IQCJ: variants seen among roughly 807,000 people sequenced by gnomAD.
The protein encoded by IQCJ is IQ domain-containing protein J.
IQCJ carries 9 observed loss-of-function variants against 11.0 expected under a neutral mutation model. The ratio of observed to expected loss-of-function variants is 0.82; its 90% confidence interval spans 0.49 to 1.43. IQCJ has a LOEUF of 1.43. IQCJ is among the 40% of genes most tolerant of loss of function. The pLI, the probability that IQCJ is intolerant of heterozygous loss-of-function variation, is 0.00. For missense variants in IQCJ, 146 were observed against 133.2 expected (o/e 1.10, Z -0.47); for synonymous variants, 55 against 51.3 (o/e 1.07, Z -0.31).
intron 1 of IQCJ, chr3:159,069,968 C>A (rs1715453529): frequency 3.9e-6 from 1 of 254,516 alleles, no homozygotes. Context: ...ATTTCTACCC[C>A]ATGTTACCTG....
chr3:159,128,018 T>A (rs1025348193), intron 1 of IQCJ, among the ~76,000 whole-genome samples: 16 of 152,354 alleles, frequency 1.1e-4, no homozygotes, highest in African/African-American at 3.8e-4. Flanking sequence ...GTCACTTTTA[T>A]TATAGTGTGT....
intron 3 of IQCJ, among the ~76,000 whole-genome samples, chr3:159,261,043 A>G (rs962681755): frequency 3.9e-5 from 6 of 152,202 alleles, no homozygotes; most frequent in Non-Finnish European, 8.8e-5. Context: ...GGGAAAACAT[A>G]CAGATTCAAT....
chr3:159,132,232 G>C (rs1720032633), intron 1 of IQCJ, among the ~76,000 whole-genome samples: 1 of 152,028 alleles, frequency 6.6e-6, no homozygotes, highest in African/African-American at 2.4e-5. Flanking sequence ...AGTTACCTTG[G>C]GGTTGTCTCC....
At chr3:159,179,580 TTTC>T (rs1470920808) in intron 1 of IQCJ, among the ~76,000 whole-genome samples, 29 of 151,812 alleles carry the variant, frequency 1.9e-4, no homozygotes, top group Non-Finnish European at 1.5e-5. Context: ...TCTCATATTT[TTTC>T]TTCTTGGATT....
At chr3:159,214,431 C>T (rs1197018498) in intron 1 of IQCJ, among the ~76,000 whole-genome samples, 3 of 152,212 alleles carry the variant, frequency 2.0e-5, no homozygotes, top group Non-Finnish European at 4.4e-5. Flanking sequence ...ACTCCAAAAA[C>T]CTTCCTATTC....
chr3:159,091,585 A>C (rs925019953), intron 1 of IQCJ, among the ~76,000 whole-genome samples: 25 of 151,426 alleles, frequency 1.7e-4, no homozygotes, highest in African/African-American at 5.6e-4. Flanking sequence ...AAACATTCAG[A>C]CCATAGCAGT....
At chr3:159,129,060 A>G (rs2108156860) in intron 1 of IQCJ, among the ~76,000 whole-genome samples, 1 of 152,292 alleles carries the variant, frequency 6.6e-6, no homozygotes, top group Non-Finnish European at 1.5e-5. Context: ...ATAACAACAA[A>G]TTTTTCAACT....
chr3:159,264,516 C>T (rs1728393186), downstream of IQCJ, among the ~76,000 whole-genome samples: 1 of 152,168 alleles, frequency 6.6e-6, no homozygotes, highest in Non-Finnish European at 1.5e-5. Context: ...GTATATCAGA[C>T]TGAATTGGGG....
At chr3:159,114,609 G>A (rs1020344404) in intron 1 of IQCJ, among the ~76,000 whole-genome samples, 2 of 152,116 alleles carry the variant, frequency 1.3e-5, no homozygotes, top group African/African-American at 4.8e-5. Context: ...ACTGCACCCA[G>A]CCCTAAAAGG....
At position 159,262,838 on chromosome 3, in the gene IQCJ, G is replaced by A. The variant is rs1728296550; in HGVS notation, c.*107G>A. ...TGCTACCCAGGAACCCATGGTGAGA[G>A]TTTTGTCACCTCAAAATAAAGACAC... On this transcript the variant is annotated 3_prime_UTR_variant, in exon 4 of 4. Transcript: ENST00000397832. 6.9e-7 allele frequency: 1 copy of A among 1,442,878 alleles called. No individual in the cohort carries two copies. Among genetic ancestry groups the A allele is most frequent in the Non-Finnish European group, 9.2e-7 (1 of 1,091,966 alleles). 89.4% of individuals were successfully genotyped at this position (1,442,878 alleles called of 1,614,324 possible).
At chr3:159,202,930 C>A (rs920603129) in intron 1 of IQCJ, among the ~76,000 whole-genome samples, 44 of 152,122 alleles carry the variant, frequency 2.9e-4, no homozygotes, top group African/African-American at 1.0e-3. Context: ...TTCTTTTCAG[C>A]TCAGTGATCA....
At chr3:159,153,686 C>T (rs1577045145) in intron 1 of IQCJ, among the ~76,000 whole-genome samples, 2 of 152,326 alleles carry the variant, frequency 1.3e-5, no homozygotes, top group East Asian at 3.9e-4. Context: ...TAGTGGGCAT[C>T]TGTCCTTTGT....
At chr3:159,238,518 T>G (rs989210137) in intron 1 of IQCJ, among the ~76,000 whole-genome samples, 1 of 152,180 alleles carries the variant, frequency 6.6e-6, no homozygotes, top group African/African-American at 2.4e-5. Flanking sequence ...AAGCACCTCT[T>G]CAATAACTCA....
At position 159,150,615 on chromosome 3, in the gene IQCJ, C is replaced by CACACACAT. The variant is rs200139441; in HGVS notation, c.9+81175_9+81176insCACACATA. On this transcript the variant is annotated intron_variant, in intron 1 of 3. Coordinates refer to ENST00000397832, the MANE Select transcript of IQCJ (RefSeq NM_001042706.3). ...ACACACACACACACACACACACACA[C>CACACACAT]ATATTCTGGGGGCTGTGCTTCTGTA... 2.0e-3 allele frequency among the ~76,000 whole-genome samples: 303 copies of CACACACAT among 149,934 alleles called. 2 individuals carry two copies. The highest frequency in any genetic ancestry group is 7.0e-3 in the African/African-American group (283 of 40,614).
intron 1 of IQCJ, among the ~76,000 whole-genome samples, chr3:159,168,634 A>T (rs1000033551): frequency 2.6e-5 from 4 of 152,144 alleles, no homozygotes; most frequent in African/African-American, 9.7e-5. Flanking sequence ...CATTTCATCC[A>T]TGAGATTAGT....
intron 1 of IQCJ, among the ~76,000 whole-genome samples, chr3:159,177,165 C>A (rs890043315): frequency 6.6e-6 from 1 of 152,134 alleles, no homozygotes; most frequent in Admixed American, 6.5e-5. Context: ...AATAGTTGAG[C>A]AATATTATTG....
intron 1 of IQCJ, among the ~76,000 whole-genome samples, chr3:159,145,569 G>C (rs1237894718): frequency 8.8e-6 from 1 of 113,272 alleles, no homozygotes; most frequent in Admixed American, 9.9e-5. Flanking sequence ...TTTCCCTTTA[G>C]TATGCTTTTT....
At chr3:159,102,165 G>C (rs1717974337) in intron 1 of IQCJ, among the ~76,000 whole-genome samples, 1 of 152,206 alleles carries the variant, frequency 6.6e-6, no homozygotes, top group African/African-American at 2.4e-5. Context: ...CAGTTGTCAG[G>C]CTAATAAGAT....
intron 1 of IQCJ, among the ~76,000 whole-genome samples, chr3:159,118,045 C>G (rs1719131272): frequency 6.6e-6 from 1 of 152,158 alleles, no homozygotes; most frequent in African/African-American, 2.4e-5. Flanking sequence ...TTTATTCATT[C>G]ACTCAAAATT....
Sources: allele counts gnomAD v4.1 joint callset (sites outside exome capture counted in the v4.1 genomes callset), GRCh38; gene constraint gnomAD v4.1.1; transcripts MANE v1.5; gene names NCBI Gene and HGNC (gene_info 2026-07-23, HGNC 2026-07-21).